The following NKAIN3 variants were observed in gnomAD, a reference collection of about 807,000 sequenced individuals.
NKAIN3 encodes sodium/potassium transporting ATPase interacting 3, also known as sodium/potassium-transporting ATPase subunit beta-1-interacting protein 3.
A neutral mutation model predicts 30.2 loss-of-function variants in NKAIN3; 25 were observed. The ratio of observed to expected loss-of-function variants is 0.83; its 90% confidence interval spans 0.60 to 1.16. The LOEUF (loss-of-function observed/expected upper bound fraction) is 1.16. NKAIN3 is among the 50% of genes most tolerant of loss of function. NKAIN3 has a pLI of 0.00. For synonymous variants in NKAIN3, 91 were observed against 89.6 expected (o/e 1.02, Z -0.09); for missense variants, 225 against 254.1 (o/e 0.89, Z 0.78).
intron 1 of NKAIN3, among the ~76,000 whole-genome samples, chr8:62,481,412 G>C (rs1806714363): frequency 6.6e-6 from 1 of 151,794 alleles, no homozygotes; most frequent in Non-Finnish European, 1.5e-5. Flanking sequence ...CTCTCATATG[G>C]ACATAGATGT....
intron 1 of NKAIN3, among the ~76,000 whole-genome samples, chr8:62,385,555 A>G (rs190302415): frequency 6.6e-6 from 1 of 152,352 alleles, no homozygotes; most frequent in East Asian, 1.9e-4. Context: ...TATATTCAAG[A>G]AAATTTACTC....
At chr8:62,434,474 C>T (rs1805108690) in intron 1 of NKAIN3, among the ~76,000 whole-genome samples, 1 of 152,032 alleles carries the variant, frequency 6.6e-6, no homozygotes, top group Non-Finnish European at 1.5e-5. Flanking sequence ...GACTGGATTC[C>T]GGATGTTATC....
intron 3 of NKAIN3, among the ~76,000 whole-genome samples, chr8:62,653,559 AGGGG>A (rs1373454227): frequency 6.6e-6 from 1 of 152,172 alleles, no homozygotes; most frequent in Non-Finnish European, 1.5e-5. Flanking sequence ...TAAAAATATA[AGGGG>A]ATGCATAAGC....
chr8:62,364,848 A>AAAAAAAAAAC (rs1476804084), intron 1 of NKAIN3, among the ~76,000 whole-genome samples: 1 of 151,198 alleles, frequency 6.6e-6, no homozygotes, highest in African/African-American at 2.4e-5. Context: ...AAAAAAAAAA[A>AAAAAAAAAAC]AAATCATCTA....
intron 1 of NKAIN3, among the ~76,000 whole-genome samples, chr8:62,454,323 A>AAAAAAAAAAAAAAAAAAAAAAAAATT (rs1360909972): frequency 6.9e-6 from 1 of 145,102 alleles, no homozygotes; most frequent in African/African-American, 2.5e-5. Context: ...AAAAAAAAAA[A>AAAAAAAAAAAAAAAAAAAAAAAAATT]TCTGAAAATC....
At chr8:62,353,880 C>G (rs903495550) in intron 1 of NKAIN3, among the ~76,000 whole-genome samples, 4 of 152,090 alleles carry the variant, frequency 2.6e-5, no homozygotes, top group Admixed American at 2.6e-4. Flanking sequence ...ATTTCACAGG[C>G]ATGATGTTAA....
chr8:62,849,164 T>A (rs1215379410), intron 4 of NKAIN3, among the ~76,000 whole-genome samples: 1 of 152,074 alleles, frequency 6.6e-6, no homozygotes, highest in Admixed American at 6.6e-5. Flanking sequence ...ATCAGGATAA[T>A]GGTGGCCTCA....
intron 4 of NKAIN3, among the ~76,000 whole-genome samples, chr8:62,861,718 G>T (rs1436596943): frequency 6.6e-6 from 1 of 152,206 alleles, no homozygotes; most frequent in Non-Finnish European, 1.5e-5. Context: ...ATCCCATGGA[G>T]AATTTAATGA....
intron 5 of NKAIN3, among the ~76,000 whole-genome samples, chr8:62,928,743 C>T (rs73262882): frequency 0.04 from 6,043 of 152,298 alleles, 365 homozygotes; most frequent in African/African-American, 0.13. Context: ...CCGCACGTTT[C>T]AAATGCTGGA....
chr8:62,358,272 T>G (rs1816425757), intron 1 of NKAIN3, among the ~76,000 whole-genome samples: 1 of 133,256 alleles, frequency 7.5e-6, no homozygotes, highest in Non-Finnish European at 1.6e-5. Context: ...ACTCAAAAGA[T>G]CCAAAGTTAG....
At chr8:62,758,888 A>G (rs1306442627) in intron 4 of NKAIN3, among the ~76,000 whole-genome samples, 1 of 152,220 alleles carries the variant, frequency 6.6e-6, no homozygotes, top group Non-Finnish European at 1.5e-5. Context: ...CCCAATATGA[A>G]TTTTTGAGAA....
intron 3 of NKAIN3, among the ~76,000 whole-genome samples, chr8:62,726,486 A>G (rs1370434095): frequency 6.6e-6 from 1 of 151,992 alleles, no homozygotes. Flanking sequence ...CCCAATTTTT[A>G]GAGGATTCTT....
chr8:62,556,572 T>C (rs1159181572), intron 1 of NKAIN3, among the ~76,000 whole-genome samples: 1 of 151,726 alleles, frequency 6.6e-6, no homozygotes, highest in Non-Finnish European at 1.5e-5. Flanking sequence ...ATATAATATA[T>C]AGGAATATAG....
chr8:62,265,403 A>G lies in NKAIN3; in HGVS notation c.54+16276A>G, dbSNP rs959334665. Among the ~76,000 whole-genome samples the G allele has an allele frequency of 3.9e-5, 6 of 152,332 alleles. No individual in the cohort carries two copies. The South Asian group carries it at 1.0e-3, about 26-fold the overall frequency. On this transcript the variant is annotated intron_variant, in intron 1 of 6. Coordinates refer to ENST00000623646, the MANE Select transcript of NKAIN3 (RefSeq NM_001304533.3). The stretch of plus-strand genomic sequence containing the variant: ...TCTTTGAAGATCTGTAGAATAGAGT[A>G]GATTGGGGAAACTTTTGTCCAAAAA...
chr8:62,522,346 G>T lies in NKAIN3; in HGVS notation c.55-57193G>T, dbSNP rs1057306694. On this transcript the variant is annotated intron_variant, in intron 1 of 6. Coordinates refer to ENST00000623646, the MANE Select transcript of NKAIN3 (RefSeq NM_001304533.3). Reference sequence around the variant, plus strand: ...CCTATGTACAGCCAGTTATATGAAAGTATAGCTATACAATTATGTACAGCA... The same window carrying T: ...CCTATGTACAGCCAGTTATATGAAATTATAGCTATACAATTATGTACAGCA... 4.6e-5 allele frequency among the ~76,000 whole-genome samples: 7 copies of T among 152,192 alleles called. 1 individual carries two copies. The East Asian group carries it at 1.4e-3, about 29-fold the overall frequency.
chr8:62,677,344 T>A (rs1813509312), intron 3 of NKAIN3, among the ~76,000 whole-genome samples: 1 of 152,218 alleles, frequency 6.6e-6, no homozygotes, highest in African/African-American at 2.4e-5. Context: ...TCAGAGTAAT[T>A]CATCAAGGCA....
intron 3 of NKAIN3, among the ~76,000 whole-genome samples, chr8:62,718,322 T>C (rs1484687955): frequency 6.6e-6 from 1 of 152,232 alleles, no homozygotes; most frequent in African/African-American, 2.4e-5. Context: ...ATTTATTATA[T>C]AACTGTGAAG....
At chr8:62,668,118 A>T (rs2130379625) in intron 3 of NKAIN3, among the ~76,000 whole-genome samples, 1 of 151,850 alleles carries the variant, frequency 6.6e-6, no homozygotes, top group Non-Finnish European at 1.5e-5. Flanking sequence ...ACATACACAC[A>T]CACACACACA....
chr8:62,596,022 G>T (rs993161529), intron 3 of NKAIN3, among the ~76,000 whole-genome samples: 2 of 152,038 alleles, frequency 1.3e-5, no homozygotes, highest in African/African-American at 4.8e-5. Context: ...ACACTTTACA[G>T]GCCCTGACTA....
Sources: gnomAD v4.1 joint callset for allele counts (sites outside exome capture counted in the v4.1 genomes callset) on GRCh38, gnomAD v4.1.1 for gene constraint, MANE v1.5 for transcripts, NCBI Gene and HGNC (gene_info 2026-07-23, HGNC 2026-07-21) for gene names.